The following LYZ variants were observed in gnomAD, a reference collection of about 807,000 sequenced individuals.
LYZ encodes the protein lysozyme C.
In LYZ, 18 loss-of-function variants were observed where a neutral mutation model predicts 15.8. The observed-to-expected ratio is 1.14, with a 90% CI of 0.79 to 1.69. The LOEUF (loss-of-function observed/expected upper bound fraction) is 1.69. Ranked by LOEUF, LYZ falls within the 40% of genes most tolerant of loss-of-function variation. LYZ has a pLI of 0.00. For synonymous variants in LYZ, 60 were observed against 61.7 expected, an observed-to-expected ratio of 0.97 and a Z score of 0.13; for missense variants, 139 against 182.8, an observed-to-expected ratio of 0.76 and a Z score of 1.38.
chr12:69,348,656 G>A (rs975512965), intron 1 of LYZ, 112 bp downstream of exon 1: 1 of 1,324,294 alleles, frequency 7.6e-7, no homozygotes, highest in Admixed American at 2.0e-5. Flanking sequence ...TTTCTTTGTG[G>A]GTTTGTATAC....
intron 1 of LYZ, among the ~76,000 whole-genome samples, chr12:69,349,268 G>T (rs1416458844): frequency 6.6e-6 from 1 of 152,068 alleles, no homozygotes; most frequent in East Asian, 1.9e-4. Context: ...CTCCCAAAGT[G>T]GTAGGATTAC....
intron 1 of LYZ, among the ~76,000 whole-genome samples, chr12:69,348,776 T>C (rs1874780324): frequency 6.6e-6 from 1 of 152,212 alleles, no homozygotes; most frequent in African/African-American, 2.4e-5. Context: ...GGACCTGTTG[T>C]ACTGTTCTAG....
intron 1 of LYZ, 47 bp from the exon 2 acceptor site, chr12:69,350,061 A>C: frequency 6.5e-7 from 1 of 1,535,456 alleles, no homozygotes; most frequent in South Asian, 1.1e-5. Flanking sequence ...TATAGAGTAT[A>C]AGTCACTTAG....
intron 2 of LYZ, 59 bp from the exon 3 acceptor site, chr12:69,352,161 A>C (rs893947899): frequency 8.0e-7 from 1 of 1,245,848 alleles, no homozygotes; most frequent in African/African-American, 1.5e-5. Flanking sequence ...AGCTGGCTAA[A>C]CCTAAATTTA....
chr12:69,354,054 C>T lies in LYZ; in HGVS notation c.*835C>T, dbSNP rs1384. 63,162 of 151,924 alleles carry T rather than the reference C, an allele frequency of 0.42. 15,339 individuals are homozygous for T. The highest frequency in any genetic ancestry group is 0.72 in the East Asian group (3,701 of 5,172). The allele number at this position is 151,924 out of a possible 1,614,324, so 9.4% of individuals were successfully genotyped here. A position where few individuals can be genotyped will look rare whatever the true frequency, so the allele number is the denominator to read the frequency against. On this transcript the variant is annotated 3_prime_UTR_variant, in exon 4 of 4. Coordinates refer to ENST00000261267, the MANE Select transcript of LYZ (RefSeq NM_000239.3). ...CTGCCTGAATTGAGAATTTTGATTT[C>T]TTAAAGTGTGTTTCTTTCTAAATTG... is the stretch of plus-strand genomic sequence containing the variant.
chr12:69,352,959 GC>G (rs758605874), intron 3 of LYZ, among the ~76,000 whole-genome samples, 193 bp from the exon 4 acceptor site: 1 of 152,218 alleles, frequency 6.6e-6, no homozygotes, highest in Non-Finnish European at 1.5e-5. Flanking sequence ...GGCATTCTAT[GC>G]TCTACTGAGA....
chr12:69,353,090 G>A, intron 3 of LYZ, 63 bp from the exon 4 acceptor site: 1 of 1,110,660 alleles, frequency 9.0e-7, no homozygotes, highest in Non-Finnish European at 1.4e-6. Flanking sequence ...GGAGTGCGAA[G>A]TATGTATATT....
At chr12:69,349,591 A>G (rs1221486650) in intron 1 of LYZ, among the ~76,000 whole-genome samples, 1 of 152,180 alleles carries the variant, frequency 6.6e-6, no homozygotes, top group Non-Finnish European at 1.5e-5. Flanking sequence ...CTCAATAGCT[A>G]TTTTTGAATG....
chr12:69,350,390 A>G, intron 2 of LYZ, 118 bp downstream of exon 2: 1 of 956,540 alleles, frequency 1.0e-6, no homozygotes, highest in Non-Finnish European at 1.7e-6. Flanking sequence ...CTCAACTTCC[A>G]GAAAGTCATT....
rs1282374769 is a variant in LYZ, at chr12:69,348,427, C to G, written c.19C>G (p.Leu7Val). 3.7e-6 allele frequency: 6 copies of G among 1,614,170 alleles called. No individual in the cohort carries two copies. The highest frequency in any genetic ancestry group is 1.1e-5 in the South Asian group (1 of 91,084). ...AGTCAACATGAAGGCTCTCATTGTTCTGGGGCTTGTCCTCCTTTCTGTTAC... is the reference window on the plus strand; with the variant it reads ...AGTCAACATGAAGGCTCTCATTGTTGTGGGGCTTGTCCTCCTTTCTGTTAC... MKALIV[L>V]GLVLLSVTVQ... is the part of the protein sequence containing the mutation. Residue 7 changes from leucine (L) to valine (V), a missense_variant, in exon 1 of 4, where the codon CTG becomes GTG. Coordinates refer to ENST00000261267, the MANE Select transcript of LYZ (RefSeq NM_000239.3).
intron 1 of LYZ, 84 bp downstream of exon 1, chr12:69,348,628 G>T: frequency 6.7e-7 from 1 of 1,488,246 alleles, no homozygotes; most frequent in Admixed American, 1.8e-5. Context: ...AAGGGGCTTT[G>T]AGTGAATAGA....
Position 69,353,907 on chromosome 12 carries a change from G to C in LYZ, c.*688G>C, listed in dbSNP as rs1874906876. ...TAAATAGATCTTAGGCAAAATACCA[G>C]CTGATGAAGGCATCTGATGCCTTCA... On this transcript the variant is annotated 3_prime_UTR_variant, in exon 4 of 4. Transcript: ENST00000261267. 1 of 152,216 alleles carries C rather than the reference G, an allele frequency of 6.6e-6. No homozygotes were observed. The highest frequency in any genetic ancestry group is 1.5e-5 in the Non-Finnish European group (1 of 68,134). The allele number at this position is 152,216 out of a possible 1,614,324, so 9.4% of individuals were successfully genotyped here. A position where few individuals can be genotyped will look rare whatever the true frequency, so the allele number is the denominator to read the frequency against.
rs1028034411 is a variant in LYZ at position 69,353,706 on chromosome 12, T to C, written c.*487T>C. 5.3e-6 allele frequency: 1 copy of C among 187,978 alleles called. No individual in the cohort carries two copies. The highest frequency in any genetic ancestry group is 2.4e-5 in the African/African-American group (1 of 41,780). 11.6% of individuals were successfully genotyped at this position (187,978 alleles called of 1,614,324 possible). ...GGTTTCACCGTGTTAGCCAGGATGG[T>C]CTCGATCTCCTGACCTTGTGATCCA... On this transcript the variant is annotated 3_prime_UTR_variant, in exon 4 of 4. Coordinates refer to ENST00000261267, the MANE Select transcript of LYZ (RefSeq NM_000239.3).
At chr12:69,351,527 G>A (rs1019760389) in intron 2 of LYZ, among the ~76,000 whole-genome samples, 1 of 152,040 alleles carries the variant, frequency 6.6e-6, no homozygotes, top group African/African-American at 2.4e-5. Context: ...TCAATCATGT[G>A]TATGAATGTT....
chr12:69,348,620 G>GAAGAA, intron 1 of LYZ, 76 bp downstream of exon 1: 1 of 1,548,818 alleles, frequency 6.5e-7, no homozygotes, highest in Non-Finnish European at 8.9e-7. Flanking sequence ...AGAAGAAGAA[G>GAAGAA]GGGCTTTGAG....
At chr12:69,349,615 A>T (rs761501545) in intron 1 of LYZ, among the ~76,000 whole-genome samples, 22 of 152,236 alleles carry the variant, frequency 1.4e-4, no homozygotes, top group Non-Finnish European at 2.5e-4. Context: ...GAGTGAAGGG[A>T]TGAAATCACG....
intron 1 of LYZ, among the ~76,000 whole-genome samples, chr12:69,349,146 T>A (rs1463944066): frequency 6.6e-6 from 1 of 152,034 alleles, no homozygotes; most frequent in Non-Finnish European, 1.5e-5. Context: ...TGACTACAGG[T>A]GTGTACCACC....
intron 3 of LYZ, 108 bp from the exon 4 acceptor site, chr12:69,353,045 A>G: frequency 2.5e-6 from 2 of 809,972 alleles, no homozygotes; most frequent in East Asian, 2.5e-5. Context: ...CTATCTTACT[A>G]TTTTATCTAT....
intron 1 of LYZ, 83 bp downstream of exon 1, chr12:69,348,627 T>G: frequency 6.7e-7 from 1 of 1,495,288 alleles, no homozygotes; most frequent in Non-Finnish European, 9.3e-7. Context: ...GAAGGGGCTT[T>G]GAGTGAATAG....
Sources: allele counts gnomAD v4.1 joint callset (sites outside exome capture counted in the v4.1 genomes callset), GRCh38; gene constraint gnomAD v4.1.1; transcripts MANE v1.5; gene names NCBI Gene and HGNC (gene_info 2026-07-23, HGNC 2026-07-21).